DENND1A: variants seen among roughly 807,000 people sequenced by gnomAD.
DENND1A encodes DENN domain containing 1A, also known as DENN domain-containing protein 1A.
A neutral mutation model predicts 113.7 loss-of-function variants in DENND1A; 51 were observed. The ratio of observed to expected loss-of-function variants is 0.45; its 90% CI spans 0.36 to 0.57. The LOEUF (loss-of-function observed/expected upper bound fraction) is 0.57, where lower values mean the gene tolerates loss of function less well. DENND1A is among the 20% of genes least tolerant of loss of function. The pLI, the probability that DENND1A is intolerant of heterozygous loss-of-function variation, is 0.00. For missense variants in DENND1A, 1,258 were observed against 1,395.9 expected, an observed-to-expected ratio of 0.90 and a Z score of 1.57; for synonymous variants, 565 against 570.8, an observed-to-expected ratio of 0.99 and a Z score of 0.14.
At position 123,764,292 on chromosome 9, in the gene DENND1A, G is replaced by A. The variant is rs1249745155; in HGVS notation, c.182+5222C>T. On this transcript the variant is annotated intron_variant, in intron 4 of 23. Transcript: ENST00000394215. This position sits in a 1 kb window ranked among gnomAD's most constrained non-coding sequence, Gnocchi z 4.1. ...ATAAAATTCAAGAGATAGAACTGAA[G>A]CATTTTGTCCCCCTCTATGTATTAT... Among the ~76,000 whole-genome samples, 6 of 152,130 alleles carry A rather than the reference G, an allele frequency of 3.9e-5. No homozygotes were observed. The highest frequency in any genetic ancestry group is 8.8e-5 in the Non-Finnish European group (6 of 68,010).
intron 23 of DENND1A, among the ~76,000 whole-genome samples, chr9:123,382,969 G>A (rs1028167292): frequency 3.0e-4 from 46 of 152,368 alleles, no homozygotes; most frequent in African/African-American, 9.9e-4. Flanking sequence ...CCGGGGGCGC[G>A]AGTGAGACTC....
At chr9:123,677,298 A>G (rs918346946) in intron 5 of DENND1A, among the ~76,000 whole-genome samples, 2 of 152,030 alleles carry the variant, frequency 1.3e-5, no homozygotes, top group Admixed American at 6.6e-5. Flanking sequence ...CCATCTCTCT[A>G]TCTACTTCAA....
chr9:123,731,453 T>C (rs1308028111), intron 5 of DENND1A, among the ~76,000 whole-genome samples: 2 of 152,116 alleles, frequency 1.3e-5, no homozygotes, highest in South Asian at 2.1e-4. Flanking sequence ...GATGACTCAA[T>C]CGAGAAAAGA....
chr9:123,894,628 C>T (rs990940676), intron 1 of DENND1A, among the ~76,000 whole-genome samples: 26 of 152,082 alleles, frequency 1.7e-4, no homozygotes, highest in Admixed American at 1.4e-3. Context: ...ATGAGAAAAA[C>T]GGGGACAATA....
chr9:123,739,908 C>T (rs1392321673), intron 5 of DENND1A, among the ~76,000 whole-genome samples: 2 of 148,778 alleles, frequency 1.3e-5, no homozygotes, highest in Non-Finnish European at 3.0e-5. Context: ...TTCTTAATTC[C>T]CTGGTACATA....
intron 5 of DENND1A, among the ~76,000 whole-genome samples, chr9:123,680,821 T>C (rs553286246): frequency 2.0e-5 from 3 of 152,256 alleles, no homozygotes; most frequent in Admixed American, 6.5e-5. Context: ...TTCAAAGCTA[T>C]GAGATGGGAC....
chr9:123,424,597 C>T (rs541710743), intron 19 of DENND1A, among the ~76,000 whole-genome samples: 1 of 152,316 alleles, frequency 6.6e-6, no homozygotes, highest in African/African-American at 2.4e-5. Context: ...CTGAATACAA[C>T]CCTCGTTGGC....
intron 19 of DENND1A, among the ~76,000 whole-genome samples, chr9:123,416,827 A>G (rs2044767338): frequency 6.6e-6 from 1 of 152,222 alleles, no homozygotes; most frequent in South Asian, 2.1e-4. Context: ...TCTTTATGGA[A>G]CAACTAAGTA....
intron 1 of DENND1A, among the ~76,000 whole-genome samples, chr9:123,911,881 G>C (rs1383810343): frequency 2.0e-5 from 3 of 151,816 alleles, no homozygotes; most frequent in Admixed American, 1.3e-4. Flanking sequence ...TTTTAGTAGA[G>C]AACAGGGTTT....
chr9:123,713,006 T>A (rs2066734293), intron 5 of DENND1A, among the ~76,000 whole-genome samples: 3 of 152,112 alleles, frequency 2.0e-5, no homozygotes, highest in African/African-American at 7.2e-5. Context: ...ACACTCTAAA[T>A]GATGGAAAAG....
At chr9:123,409,372 G>C (rs1588385418) in intron 20 of DENND1A, among the ~76,000 whole-genome samples, 1 of 151,684 alleles carries the variant, frequency 6.6e-6, no homozygotes, top group South Asian at 2.1e-4. Flanking sequence ...CAAAATCCAA[G>C]ACTTTTTGAG....
chr9:123,663,545 C>A (rs576914706), intron 8 of DENND1A, among the ~76,000 whole-genome samples: 39 of 151,882 alleles, frequency 2.6e-4, no homozygotes, highest in African/African-American at 9.2e-4. Context: ...TAAAATAATC[C>A]TTCAGTAGCC....
At chr9:123,580,726 G>T (rs920614348) in intron 12 of DENND1A, among the ~76,000 whole-genome samples, 16 of 152,208 alleles carry the variant, frequency 1.1e-4, no homozygotes, top group Non-Finnish European at 1.5e-5. Context: ...TGGACCAAAA[G>T]AACTCAAATT....
At chr9:123,768,422 T>C (rs1276867998) in intron 4 of DENND1A, among the ~76,000 whole-genome samples, 1 of 152,202 alleles carries the variant, frequency 6.6e-6, no homozygotes, top group East Asian at 1.9e-4. Flanking sequence ...AACAGCATAC[T>C]ACCCACATAT....
At chr9:123,813,261 T>C (rs1836925099) in intron 2 of DENND1A, among the ~76,000 whole-genome samples, 1 of 152,232 alleles carries the variant, frequency 6.6e-6, no homozygotes, top group Non-Finnish European at 1.5e-5. Context: ...TGTATCTGGC[T>C]TTGTTTGTGC....
At chr9:123,919,108 C>T (rs963883312) in intron 1 of DENND1A, among the ~76,000 whole-genome samples, 5 of 152,102 alleles carry the variant, frequency 3.3e-5, no homozygotes, top group African/African-American at 1.2e-4. Context: ...CTGATTCAAA[C>T]GAATCCACCG....
At position 123,503,537 on chromosome 9, in the gene DENND1A, C is replaced by A. The variant is rs572425684; in HGVS notation, c.994-45640G>T. On this transcript the variant is annotated intron_variant, in intron 13 of 23. Transcript: ENST00000394215. Reference sequence around the variant, plus strand: ...GATGACTTTAAATAGCAGCATCTGGCCAGTCTTGAGCTCATCGGACTCACG... The same window carrying A: ...GATGACTTTAAATAGCAGCATCTGGACAGTCTTGAGCTCATCGGACTCACG... Among the ~76,000 whole-genome samples the A allele has an allele frequency of 4.6e-5, 7 of 152,268 alleles. No individual in the cohort carries two copies. In the East Asian group the frequency reaches 1.2e-3, roughly 25 times the overall value.
chr9:123,929,340 G>A (rs1243276594), intron 1 of DENND1A, among the ~76,000 whole-genome samples: 1 of 152,206 alleles, frequency 6.6e-6, no homozygotes, highest in African/African-American at 2.4e-5. Context: ...GCTGCGTGGA[G>A]ATTTTCACAG....
At chr9:123,392,895 T>C (rs1258039234) in intron 21 of DENND1A, among the ~76,000 whole-genome samples, 3 of 152,214 alleles carry the variant, frequency 2.0e-5, no homozygotes, top group African/African-American at 7.2e-5. Context: ...TTCCCACTTA[T>C]GAGTGAGAAC....
Sources: gnomAD v4.1 joint callset for allele counts (sites outside exome capture counted in the v4.1 genomes callset) on GRCh38, gnomAD v4.1.1 for gene constraint, Gnocchi (gnomAD v3.1) non-coding constraint, MANE v1.5 for transcripts, NCBI Gene and HGNC (gene_info 2026-07-23, HGNC 2026-07-21) for gene names.